The following LRRTM4 variants were observed in gnomAD, a reference collection of about 807,000 sequenced individuals.
The protein encoded by LRRTM4 is leucine-rich repeat transmembrane neuronal protein 4.
In LRRTM4, 25 loss-of-function variants were observed where a neutral mutation model predicts 47.6. The ratio of observed to expected loss-of-function variants is 0.53; its 90% confidence interval spans 0.38 to 0.73. The LOEUF is 0.73. Among genes scored for constraint, LRRTM4 ranks in the 30% least tolerant of loss-of-function variants. The probability of loss-of-function intolerance (pLI) is 0.00; values close to 1 mark genes in which losing one functional copy is unlikely to be tolerated. For missense variants in LRRTM4, 638 were observed against 713.4 expected (o/e 0.89, Z 1.20); for synonymous variants, 311 against 269.5 (o/e 1.15, Z -1.51).
chr2:77,163,544 G>A (rs922380246), intron 3 of LRRTM4, among the ~76,000 whole-genome samples: 4 of 152,270 alleles, frequency 2.6e-5, no homozygotes, highest in African/African-American at 7.2e-5. Flanking sequence ...CAAAGATGAC[G>A]TGAAGGAAAA....
At chr2:77,262,834 A>G (rs1675955525) in intron 3 of LRRTM4, among the ~76,000 whole-genome samples, 1 of 152,000 alleles carries the variant, frequency 6.6e-6, no homozygotes, top group Non-Finnish European at 1.5e-5. Context: ...CAGATCTCCT[A>G]GAGCTCTGAA....
intron 3 of LRRTM4, chr2:76,987,381 C>T (rs1024187019): frequency 6.6e-6 from 1 of 151,664 alleles, no homozygotes; most frequent in Non-Finnish European, 1.5e-5. Context: ...CCTTATATGT[C>T]TATATATTCT....
intron 3 of LRRTM4, among the ~76,000 whole-genome samples, chr2:76,984,773 T>A (rs1241110124): frequency 6.6e-6 from 1 of 152,038 alleles, no homozygotes; most frequent in Non-Finnish European, 1.5e-5. Context: ...CTCCTACTTG[T>A]TTAAGCTCAT....
At chr2:76,767,048 G>T (rs1357620864) in intron 3 of LRRTM4, among the ~76,000 whole-genome samples, 2 of 149,814 alleles carry the variant, frequency 1.3e-5, no homozygotes, top group Non-Finnish European at 2.9e-5. Context: ...TAGTGGAGTG[G>T]TAAGAGATTC....
At chr2:77,209,635 C>T (rs1027366469) in intron 3 of LRRTM4, among the ~76,000 whole-genome samples, 3 of 152,068 alleles carry the variant, frequency 2.0e-5, no homozygotes, top group Non-Finnish European at 4.4e-5. Flanking sequence ...CATATACCTG[C>T]ATATGATTTA....
intron 3 of LRRTM4, among the ~76,000 whole-genome samples, chr2:77,226,552 T>G (rs1030626338): frequency 8.8e-6 from 1 of 113,804 alleles, no homozygotes; most frequent in East Asian, 2.1e-4. Context: ...TATATATATA[T>G]ATATATATAT....
chr2:76,839,017 G>A (rs1023978750), intron 3 of LRRTM4, among the ~76,000 whole-genome samples: 1 of 151,986 alleles, frequency 6.6e-6, no homozygotes, highest in Non-Finnish European at 1.5e-5. Flanking sequence ...AGGGAATGTG[G>A]GTACCATTAT....
intron 3 of LRRTM4, among the ~76,000 whole-genome samples, chr2:77,334,602 C>T (rs933346519): frequency 3.9e-5 from 6 of 152,180 alleles, no homozygotes; most frequent in Non-Finnish European, 7.3e-5. Context: ...GTGAGGCATC[C>T]CCAGCCATGT....
intron 3 of LRRTM4, among the ~76,000 whole-genome samples, chr2:76,772,214 C>G (rs1305885179): frequency 1.3e-5 from 2 of 152,154 alleles, no homozygotes; most frequent in East Asian, 1.9e-4. Flanking sequence ...CCACCAAATG[C>G]AGACACATTG....
At chr2:77,424,032 T>A (rs1675011373) in intron 3 of LRRTM4, among the ~76,000 whole-genome samples, 1 of 152,168 alleles carries the variant, frequency 6.6e-6, no homozygotes, top group Non-Finnish European at 1.5e-5. Flanking sequence ...CTAAATTACC[T>A]ATACATGTGT....
intron 3 of LRRTM4, among the ~76,000 whole-genome samples, chr2:76,804,213 A>C (rs1212182067): frequency 1.3e-5 from 2 of 152,202 alleles, no homozygotes; most frequent in East Asian, 3.9e-4. Context: ...CAGAGTGATA[A>C]TACCTTTGTT....
intron 3 of LRRTM4, among the ~76,000 whole-genome samples, chr2:77,358,946 T>C (rs1411150455): frequency 6.6e-6 from 1 of 152,188 alleles, no homozygotes; most frequent in Admixed American, 6.5e-5. Flanking sequence ...CCCTATTAGG[T>C]AATTCAACTA....
rs1673302824 is a variant in LRRTM4 at position 76,892,996 on chromosome 2, G to A, written c.1552-144080C>T. Among the ~76,000 whole-genome samples, 4 of 150,932 alleles carry A rather than the reference G, an allele frequency of 2.7e-5. No homozygotes were observed. The South Asian group carries it at 6.2e-4, about 24-fold the overall frequency. On this transcript the variant is annotated intron_variant, in intron 3 of 3. Coordinates refer to ENST00000409884, the MANE Select transcript of LRRTM4 (RefSeq NM_001134745.3). ...TGAAAAGACGGAAATCACAATTTGA[G>A]GAGTATTACTTAATTTGAACCACAG...
chr2:77,107,672 G>A (rs1000638980), intron 3 of LRRTM4, among the ~76,000 whole-genome samples: 3 of 151,910 alleles, frequency 2.0e-5, no homozygotes, highest in African/African-American at 7.2e-5. Context: ...TACAAAATTA[G>A]CCTGGCGTGG....
intron 3 of LRRTM4, among the ~76,000 whole-genome samples, chr2:77,202,746 A>T (rs1674012704): frequency 6.6e-6 from 1 of 151,820 alleles, no homozygotes; most frequent in South Asian, 2.1e-4. Flanking sequence ...TGTTACAGTT[A>T]TCACTTTTAT....
At chr2:77,109,963 T>C (rs1054875084) in intron 3 of LRRTM4, among the ~76,000 whole-genome samples, 3 of 151,406 alleles carry the variant, frequency 2.0e-5, no homozygotes, top group African/African-American at 7.3e-5. Flanking sequence ...GCTGAAGAGA[T>C]TAAAAAAATA....
At chr2:76,825,262 T>C (rs1302550908) in intron 3 of LRRTM4, among the ~76,000 whole-genome samples, 1 of 151,432 alleles carries the variant, frequency 6.6e-6, no homozygotes, top group Non-Finnish European at 1.5e-5. Context: ...CTGCCAAGAG[T>C]ACAAGTTAAA....
intron 3 of LRRTM4, among the ~76,000 whole-genome samples, chr2:77,379,545 A>G (rs1238718138): frequency 6.6e-6 from 1 of 152,004 alleles, no homozygotes; most frequent in African/African-American, 2.4e-5. Flanking sequence ...TGCTATTAAT[A>G]TTTATGTTTA....
chr2:77,114,247 A>C (rs1671328891), intron 3 of LRRTM4, among the ~76,000 whole-genome samples: 1 of 152,050 alleles, frequency 6.6e-6, no homozygotes, highest in African/African-American at 2.4e-5. Flanking sequence ...AGTTCCTGGA[A>C]TTTTGCACCA....
Sources: allele counts gnomAD v4.1 joint callset (sites outside exome capture counted in the v4.1 genomes callset), GRCh38; gene constraint gnomAD v4.1.1; transcripts MANE v1.5; gene names NCBI Gene and HGNC (gene_info 2026-07-23, HGNC 2026-07-21).